The following LDAH variants were observed in gnomAD, a reference collection of about 807,000 sequenced individuals.
The protein encoded by LDAH is lipid droplet-associated hydrolase.
In LDAH, 26 loss-of-function variants were observed where a neutral mutation model predicts 29.6. The ratio of observed to expected loss-of-function variants is 0.88; its 90% CI spans 0.64 to 1.22. The LOEUF is 1.22. Ranked by LOEUF, LDAH falls within the 50% of genes most tolerant of loss-of-function variation. The probability of loss-of-function intolerance (pLI) is 0.00; values close to 1 mark genes in which losing one functional copy is unlikely to be tolerated. For synonymous variants in LDAH, 117 were observed against 133.0 expected, an observed-to-expected ratio of 0.88 and a Z score of 0.83; for missense variants, 344 against 387.3, an observed-to-expected ratio of 0.89 and a Z score of 0.94.
intron 4 of LDAH, among the ~76,000 whole-genome samples, chr2:20,743,813 G>A (rs559217052): frequency 4.7e-5 from 7 of 149,508 alleles, no homozygotes; most frequent in South Asian, 2.1e-4. Flanking sequence ...TCTTTCTCTC[G>A]TTCTTTTCCA....
chr2:20,778,263 G>C (rs917541118), intron 3 of LDAH, among the ~76,000 whole-genome samples: 11 of 152,100 alleles, frequency 7.2e-5, no homozygotes, highest in Admixed American at 6.6e-4. Flanking sequence ...CTATTTCTTA[G>C]ACCCATCTCT....
At chr2:20,710,627 T>TATATAG (rs1553336575) in intron 5 of LDAH, among the ~76,000 whole-genome samples, 101 of 139,174 alleles carry the variant, frequency 7.3e-4, no homozygotes, top group Admixed American at 1.7e-3. Flanking sequence ...TATAGATATA[T>TATATAG]ATATATAGAT....
intron 5 of LDAH, among the ~76,000 whole-genome samples, chr2:20,731,552 C>T (rs1194889394): frequency 6.6e-6 from 1 of 152,154 alleles, no homozygotes; most frequent in African/African-American, 2.4e-5. Context: ...TATGTTGAGT[C>T]TTCCAATCCA....
chr2:20,715,282 CAT>C (rs1665089573), intron 5 of LDAH, among the ~76,000 whole-genome samples: 1 of 152,262 alleles, frequency 6.6e-6, no homozygotes, highest in South Asian at 2.1e-4. Context: ...ACAAAAACCA[CAT>C]GATTATCTCA....
chr2:20,817,351 T>C (rs192017331), intron 1 of LDAH, among the ~76,000 whole-genome samples: 28 of 152,072 alleles, frequency 1.8e-4, no homozygotes, highest in Middle Eastern at 3.4e-3. Context: ...ACAAGGGTTA[T>C]CACTAAAAAC....
At chr2:20,819,652 A>G (rs1673108864) in intron 1 of LDAH, among the ~76,000 whole-genome samples, 1 of 152,236 alleles carries the variant, frequency 6.6e-6, no homozygotes, top group South Asian at 2.1e-4. Flanking sequence ...CCCACAGCCA[A>G]TATCATACTG....
At chr2:20,716,258 C>G (rs879388180) in intron 5 of LDAH, among the ~76,000 whole-genome samples, 4 of 152,100 alleles carry the variant, frequency 2.6e-5, no homozygotes, top group Admixed American at 2.6e-4. Flanking sequence ...AATCATGCTA[C>G]TATAAAGACA....
intron 4 of LDAH, among the ~76,000 whole-genome samples, chr2:20,748,959 A>C (rs1213875086): frequency 1.3e-5 from 2 of 151,810 alleles, no homozygotes; most frequent in Admixed American, 1.3e-4. Flanking sequence ...TAAGTTAAAA[A>C]CCCCAATATT....
chr2:20,819,403 T>C (rs758426610), intron 1 of LDAH, among the ~76,000 whole-genome samples: 22 of 152,216 alleles, frequency 1.4e-4, no homozygotes, highest in African/African-American at 4.6e-4. Flanking sequence ...AAATACATTA[T>C]GGTAATACTA....
chr2:20,725,839 C>T (rs1240365055), intron 5 of LDAH, among the ~76,000 whole-genome samples: 1 of 152,026 alleles, frequency 6.6e-6, no homozygotes, highest in Non-Finnish European at 1.5e-5. Flanking sequence ...GACATGAGGT[C>T]TAGAGTTGCA....
intron 2 of LDAH, among the ~76,000 whole-genome samples, chr2:20,800,026 T>C (rs2125102892): frequency 6.6e-6 from 1 of 152,284 alleles, no homozygotes; most frequent in Non-Finnish European, 1.5e-5. Flanking sequence ...GATGATACAA[T>C]AAATGGTTGT....
chr2:20,754,047 C>T (rs1011071343), intron 4 of LDAH, among the ~76,000 whole-genome samples: 1 of 151,960 alleles, frequency 6.6e-6, no homozygotes, highest in Non-Finnish European at 1.5e-5. Flanking sequence ...GAAGAAAGTA[C>T]TACAGTTAGA....
intron 1 of LDAH, among the ~76,000 whole-genome samples, chr2:20,809,309 GA>G (rs1226120830): frequency 6.6e-6 from 1 of 152,044 alleles, no homozygotes; most frequent in Non-Finnish European, 1.5e-5. Flanking sequence ...TGAGGCAGAA[GA>G]ATTACTTGAA....
chr2:20,737,710 G>C (rs573454702), intron 5 of LDAH, among the ~76,000 whole-genome samples: 26 of 152,228 alleles, frequency 1.7e-4, no homozygotes, highest in African/African-American at 6.0e-4. Context: ...TCACCAGTAG[G>C]CATCTGTTCC....
At position 20,735,307 on chromosome 2, in the gene LDAH, T is replaced by C. The variant is rs191520766; in HGVS notation, c.703+4664A>G. 6.2e-3 allele frequency among the ~76,000 whole-genome samples: 940 copies of C among 152,274 alleles called. 10 individuals are homozygous for C. Among genetic ancestry groups the C allele is most frequent in the African/African-American group, 0.022 (894 of 41,552 alleles). On this transcript the variant is annotated intron_variant, in intron 5 of 6. Coordinates refer to ENST00000237822, the MANE Select transcript of LDAH (RefSeq NM_021925.4). ...GTCCCTGAGGTTCTGTTCCTTTTTT[T>C]CCCCTTTTTAGTCTATTTTCTCTCT... is the stretch of plus-strand genomic sequence containing the variant.
intron 2 of LDAH, among the ~76,000 whole-genome samples, chr2:20,791,772 T>C (rs1670972732): frequency 6.6e-6 from 1 of 152,222 alleles, no homozygotes; most frequent in African/African-American, 2.4e-5. Context: ...GAATACTTTT[T>C]AGTATAAAAT....
intron 4 of LDAH, among the ~76,000 whole-genome samples, 183 bp downstream of exon 4, chr2:20,774,627 T>G (rs1189414898): frequency 6.6e-6 from 1 of 152,240 alleles, no homozygotes; most frequent in Non-Finnish European, 1.5e-5. Context: ...TTTGAAACAT[T>G]ATGAACATAC....
chr2:20,693,857 G>C (rs1250360064), intron 6 of LDAH, among the ~76,000 whole-genome samples: 3 of 152,276 alleles, frequency 2.0e-5, no homozygotes, highest in Non-Finnish European at 4.4e-5. Flanking sequence ...CTCCCTGGCA[G>C]CTTACGCTGC....
chr2:20,718,995 C>A (rs986149751), intron 5 of LDAH, among the ~76,000 whole-genome samples: 9 of 151,698 alleles, frequency 5.9e-5, no homozygotes, highest in Non-Finnish European at 1.2e-4. Flanking sequence ...TATACCAGAA[C>A]CTATGGGATA....
Sources: gnomAD v4.1 joint callset for allele counts (sites outside exome capture counted in the v4.1 genomes callset) on GRCh38, gnomAD v4.1.1 for gene constraint, MANE v1.5 for transcripts, NCBI Gene and HGNC (gene_info 2026-07-23, HGNC 2026-07-21) for gene names.